MRRF: variants seen among roughly 807,000 people sequenced by gnomAD.
The protein encoded by MRRF is ribosome-recycling factor, mitochondrial.
In MRRF, 18 loss-of-function variants were observed where a neutral mutation model predicts 25.1. That is an observed-to-expected ratio of 0.72 (90% confidence interval 0.50 to 1.06). MRRF has a LOEUF of 1.06. MRRF is among the 50% of genes least tolerant of loss of function. MRRF has a pLI of 0.00. For missense variants in MRRF, 323 were observed against 319.3 expected, an observed-to-expected ratio of 1.01 and a Z score of -0.09; for synonymous variants, 113 against 112.1, an observed-to-expected ratio of 1.01 and a Z score of -0.05.
intron 5 of MRRF, among the ~76,000 whole-genome samples, chr9:122,295,970 G>A (rs766445701): frequency 8.5e-5 from 13 of 152,210 alleles, no homozygotes; most frequent in Non-Finnish European, 1.8e-4. Context: ...ATTTAAATGA[G>A]TCTACTGAGT....
At chr9:122,285,308 T>C in intron 4 of MRRF, 21 bp downstream of exon 4, 1 of 1,408,862 alleles carries the variant, frequency 7.1e-7, no homozygotes, top group Non-Finnish European at 1.0e-6. Flanking sequence ...CTTGCTAAAA[T>C]CTCTCTCCGT....
intron 2 of MRRF, among the ~76,000 whole-genome samples, chr9:122,273,757 C>T (rs987478096): frequency 2.6e-5 from 4 of 152,144 alleles, no homozygotes; most frequent in Non-Finnish European, 5.9e-5. Context: ...ACTTTAACAC[C>T]ACAGATTAGT....
intron 6 of MRRF, among the ~76,000 whole-genome samples, chr9:122,315,361 G>A (rs1187406059): frequency 6.6e-6 from 1 of 152,154 alleles, no homozygotes; most frequent in African/African-American, 2.4e-5. Context: ...TGACCTAGAA[G>A]CCTGGTAATG....
intron 5 of MRRF, among the ~76,000 whole-genome samples, chr9:122,302,141 T>C (rs748565080): frequency 1.3e-5 from 2 of 152,196 alleles, no homozygotes; most frequent in African/African-American, 4.8e-5. Context: ...ATACAAGTAT[T>C]GTTCAATGTT....
Position 122,277,799 on chromosome 9 carries a change from G to A in MRRF, c.185-2644G>A, listed in dbSNP as rs139812614. On this transcript the variant is annotated intron_variant, in intron 2 of 6. Coordinates refer to ENST00000344641, the MANE Select transcript of MRRF (RefSeq NM_138777.5). ...ACTCCTGGCCTCAGGTGATCCGCCC[G>A]CCTTGGCTTGCCAAAGTGCTAGGAT... Among the ~76,000 whole-genome samples, 106 of 152,282 alleles carry A rather than the reference G, an allele frequency of 7.0e-4. 1 individual carries two copies. Among genetic ancestry groups the A allele is most frequent in the African/African-American group, 8.4e-4 (35 of 41,570 alleles).
intron 1 of MRRF, among the ~76,000 whole-genome samples, chr9:122,269,069 G>A (rs1832289836): frequency 6.6e-6 from 1 of 151,876 alleles, no homozygotes; most frequent in East Asian, 1.9e-4. Flanking sequence ...GGGAGGCTGA[G>A]GCAGTAGAAT....
chr9:122,283,372 C>T (rs1185649190), intron 3 of MRRF, among the ~76,000 whole-genome samples: 4 of 152,250 alleles, frequency 2.6e-5, no homozygotes, highest in South Asian at 2.1e-4. Context: ...GGATTACAGG[C>T]GTGAGCCACT....
chr9:122,309,814 A>G (rs538550764), intron 5 of MRRF, among the ~76,000 whole-genome samples: 1 of 152,326 alleles, frequency 6.6e-6, no homozygotes, highest in East Asian at 1.9e-4. Flanking sequence ...TGAATCCTGA[A>G]AAGAGAAAAT....
rs1836090484 is a variant in MRRF at position 122,325,094 on chromosome 9, G to A, written c.*2477G>A. 2 of 152,150 alleles carry A rather than the reference G, an allele frequency of 1.3e-5. No homozygotes were observed. Among genetic ancestry groups the A allele is most frequent in the African/African-American group, 4.8e-5 (2 of 41,424 alleles). The allele number at this position is 152,150 out of a possible 1,614,324, so 9.4% of individuals were successfully genotyped here. A position where few individuals can be genotyped will look rare whatever the true frequency, so the allele number is the denominator to read the frequency against. On this transcript the variant is annotated 3_prime_UTR_variant, in exon 7 of 7. Coordinates refer to ENST00000344641, the MANE Select transcript of MRRF (RefSeq NM_138777.5). Reference sequence around the variant, plus strand: ...AACAGAGGAAATGATAAATTATGTTGTAATTCCACTCCAAAGGCATTTGGT... The same window carrying A: ...AACAGAGGAAATGATAAATTATGTTATAATTCCACTCCAAAGGCATTTGGT...
intron 6 of MRRF, among the ~76,000 whole-genome samples, chr9:122,319,777 G>A (rs145372620): frequency 9.2e-5 from 14 of 151,994 alleles, no homozygotes; most frequent in South Asian, 2.1e-4. Flanking sequence ...ATTTTAAGAC[G>A]TCTGATAAAG....
chr9:122,271,182 A>T (rs1344117908), intron 2 of MRRF, 107 bp downstream of exon 2: 2 of 964,888 alleles, frequency 2.1e-6, no homozygotes, highest in East Asian at 2.4e-5. Context: ...CCTTGCTAAC[A>T]TGAGGAAATG....
chr9:122,285,967 G>A, intron 4 of MRRF: 1 of 1,303,960 alleles, frequency 7.7e-7, no homozygotes, highest in Non-Finnish European at 1.0e-6. Flanking sequence ...TTAGGTCATT[G>A]CATCTTTGAA....
At position 122,325,228 on chromosome 9, in the gene MRRF, A is replaced by G. The variant is rs896038285; in HGVS notation, c.*2611A>G. On this transcript the variant is annotated 3_prime_UTR_variant, in exon 7 of 7. Transcript: ENST00000344641. Reference sequence around the variant, plus strand: ...TGTACTTGGGTTCCACATGTCAACAATTTCTCTCCTGTGTGTATGTTGGCC... The same window carrying G: ...TGTACTTGGGTTCCACATGTCAACAGTTTCTCTCCTGTGTGTATGTTGGCC... The G allele has an allele frequency of 5.9e-5, 9 of 152,138 alleles. No individual in the cohort carries two copies. Among genetic ancestry groups the G allele is most frequent in the Non-Finnish European group, 1.0e-4 (7 of 67,996 alleles). The allele number at this position is 152,138 out of a possible 1,614,324, so 9.4% of individuals were successfully genotyped here. A position where few individuals can be genotyped will look rare whatever the true frequency, so the allele number is the denominator to read the frequency against.
rs571070578 is a variant in MRRF at position 122,322,235 on chromosome 9, C to T, written c.712-305C>T. On this transcript the variant is annotated intron_variant, in intron 6 of 6. Coordinates refer to ENST00000344641, the MANE Select transcript of MRRF (RefSeq NM_138777.5). ...AAAATTAGCCGGGCGCGGTGGCGGG[C>T]ACCTGTAGTCCCAGCTACTCGGGAG... is the stretch of plus-strand genomic sequence containing the variant. Among the ~76,000 whole-genome samples the T allele has an allele frequency of 4.6e-5, 7 of 152,084 alleles. No homozygotes were observed. The South Asian group carries it at 1.5e-3, about 32-fold the overall frequency.
At chr9:122,277,552 C>G (rs1005582334) in intron 2 of MRRF, among the ~76,000 whole-genome samples, 2 of 151,566 alleles carry the variant, frequency 1.3e-5, no homozygotes, top group African/African-American at 4.9e-5. Context: ...TTATTTTGTA[C>G]TTTCTTTCTT....
Position 122,322,769 on chromosome 9 carries a change from A to T in MRRF, c.*152A>T. The T allele has an allele frequency of 1.4e-6, 1 of 733,384 alleles. No homozygotes were observed. The highest frequency in any genetic ancestry group is 2.0e-5 in the Admixed American group (1 of 49,462). 45.4% of individuals were successfully genotyped at this position (733,384 alleles called of 1,614,324 possible). On this transcript the variant is annotated 3_prime_UTR_variant, in exon 7 of 7. Coordinates refer to ENST00000344641, the MANE Select transcript of MRRF (RefSeq NM_138777.5). ...TTGTAAGGCCCAGCCTTCCAGGGGA[A>T]CACTCAGACATGTTCATTCTCTTCC...
chr9:122,304,971 C>CT (rs1189457875), intron 5 of MRRF, among the ~76,000 whole-genome samples: 1 of 151,638 alleles, frequency 6.6e-6, no homozygotes, highest in Admixed American at 6.6e-5. Context: ...CAGACAGGGT[C>CT]TTGCTTTGTT....
intron 5 of MRRF, among the ~76,000 whole-genome samples, chr9:122,306,926 G>A (rs1480891502): frequency 6.6e-6 from 1 of 152,132 alleles, no homozygotes; most frequent in Non-Finnish European, 1.5e-5. Flanking sequence ...GTGCCCAGTT[G>A]TGTCCCCAGA....
intron 2 of MRRF, among the ~76,000 whole-genome samples, chr9:122,277,379 C>T (rs1318849259): frequency 1.3e-5 from 2 of 152,120 alleles, no homozygotes; most frequent in Non-Finnish European, 1.5e-5. Context: ...ATAATTTTTC[C>T]ATCCCTATAC....
Sources: allele counts gnomAD v4.1 joint callset (sites outside exome capture counted in the v4.1 genomes callset), GRCh38; gene constraint gnomAD v4.1.1; transcripts MANE v1.5; gene names NCBI Gene and HGNC (gene_info 2026-07-23, HGNC 2026-07-21).